GADL1: variants seen among roughly 807,000 people sequenced by gnomAD.
GADL1 encodes acidic amino acid decarboxylase GADL1.
Under a neutral mutation model 69.5 loss-of-function variants are expected in GADL1, and 71 were observed. The ratio of observed to expected loss-of-function variants is 1.02; its 90% CI spans 0.84 to 1.25. The LOEUF is 1.25. Ranked by LOEUF, GADL1 falls within the 50% of genes most tolerant of loss-of-function variation. GADL1 has a pLI of 0.00. For missense variants in GADL1, 737 were observed against 631.8 expected (o/e 1.17, Z -1.79); for synonymous variants, 254 against 214.4 (o/e 1.18, Z -1.62).
intron 14 of GADL1, among the ~76,000 whole-genome samples, chr3:30,777,567 G>A (rs1559496899): frequency 6.6e-6 from 1 of 152,312 alleles, no homozygotes; most frequent in East Asian, 1.9e-4. Flanking sequence ...TAACTGGCAG[G>A]GCCATGCTAG....
rs1327932596 is a variant in GADL1 at position 30,800,884 on chromosome 3, A to G, written c.1250+5T>C. On this transcript the variant is annotated splice_donor_5th_base_variant and intron_variant, in intron 12 of 14. Coordinates refer to ENST00000282538, the MANE Select transcript of GADL1 (RefSeq NM_207359.3). ...AGAGAGAGAGAGAGAGAGAGAGGCTAGTACCTAGATAAAGCAAGAGCACGA... is the reference window on the plus strand; with the variant it reads ...AGAGAGAGAGAGAGAGAGAGAGGCTGGTACCTAGATAAAGCAAGAGCACGA... The G allele has an allele frequency of 3.2e-6, 5 of 1,583,538 alleles. No individual in the cohort carries two copies. The highest frequency in any genetic ancestry group is 1.8e-4 in the Middle Eastern group (1 of 5,690).
intron 14 of GADL1, among the ~76,000 whole-genome samples, chr3:30,760,193 G>C (rs1370798594): frequency 6.6e-6 from 1 of 152,130 alleles, no homozygotes; most frequent in Non-Finnish European, 1.5e-5. Flanking sequence ...ATGCTTCCCT[G>C]TAGGACACTT....
chr3:30,761,675 A>T (rs1696137832), intron 14 of GADL1, among the ~76,000 whole-genome samples: 1 of 150,142 alleles, frequency 6.7e-6, no homozygotes, highest in African/African-American at 2.5e-5. Context: ...TTAAAAAAGG[A>T]ATGAGATTTT....
In GADL1 at chr3:30,844,436, A is replaced by G. The variant is rs1339797803; in HGVS notation, c.682T>C (p.Phe228Leu). The G allele has an allele frequency of 1.2e-6, 2 of 1,613,264 alleles. No individual in the cohort carries two copies. Among genetic ancestry groups the G allele is most frequent in the Admixed American group, 3.3e-5 (2 of 60,016 alleles). ...ACATTCTCAGTGCCAATCCCAAGAA[A>G]AGAGGCTGCCTTCTTCATAGAGTAA... ...CHYSMKKAAS[F>L]LGIGTENVCF... Residue 228 changes from phenylalanine to leucine, a missense_variant, in exon 7 of 15, where the codon TTT becomes CTT. Transcript: ENST00000282538.
chr3:30,741,153 GGTTT>G (rs1489314377), intron 14 of GADL1, among the ~76,000 whole-genome samples: 1 of 137,752 alleles, frequency 7.3e-6, no homozygotes, highest in Non-Finnish European at 1.5e-5. Context: ...TGAGATAGGT[GGTTT>G]GTTTGTATAA....
intron 4 of GADL1, among the ~76,000 whole-genome samples, chr3:30,853,111 A>G (rs1698175031): frequency 6.6e-6 from 1 of 151,928 alleles, no homozygotes; most frequent in Admixed American, 6.6e-5. Flanking sequence ...TATTCTCGCC[A>G]TTGTAAGCTG....
At chr3:30,828,777 A>G (rs1697735468) in intron 11 of GADL1, among the ~76,000 whole-genome samples, 1 of 151,990 alleles carries the variant, frequency 6.6e-6, no homozygotes, top group South Asian at 2.1e-4. Flanking sequence ...ATGCATGTAC[A>G]CACATATGCA....
intron 1 of GADL1, among the ~76,000 whole-genome samples, chr3:30,887,803 T>G (rs2125547244): frequency 6.6e-6 from 1 of 152,278 alleles, no homozygotes; most frequent in Middle Eastern, 3.4e-3. Context: ...AAAAGACATA[T>G]CATAGTTTCT....
chr3:30,885,305 TA>T (rs1238733534), intron 1 of GADL1, among the ~76,000 whole-genome samples: 3 of 152,114 alleles, frequency 2.0e-5, no homozygotes, highest in Non-Finnish European at 4.4e-5. Context: ...TTAAAATAAG[TA>T]TCCAGCAACA....
rs202079162 is a variant in GADL1, at chr3:30,814,967, T to TA, written c.1051-13880dup. ...TGACAGAGCCAGACTCTGTCTCATT[T>TA]AAAAAAAAAAAAAAATTTTTTTCAT... On this transcript the variant is annotated intron_variant, in intron 11 of 14. Coordinates refer to ENST00000282538, the MANE Select transcript of GADL1 (RefSeq NM_207359.3). Among the ~76,000 whole-genome samples, 238 of 131,830 alleles carry TA rather than the reference T, an allele frequency of 1.8e-3. 7 individuals are homozygous for TA. In the East Asian group the frequency reaches 0.035, roughly 19 times the overall value. 86.5% of individuals were successfully genotyped at this position (131,830 alleles called of 152,430 possible). A position where few individuals can be genotyped will look rare whatever the true frequency, so the allele number is the denominator to read the frequency against.
At chr3:30,868,248 A>T (rs1024228284) in intron 1 of GADL1, among the ~76,000 whole-genome samples, 5 of 152,004 alleles carry the variant, frequency 3.3e-5, no homozygotes, top group Non-Finnish European at 7.4e-5. Flanking sequence ...AACTGCTCTC[A>T]GTTTTTTCAG....
chr3:30,742,402 A>C (rs1341406077), intron 14 of GADL1, among the ~76,000 whole-genome samples: 1 of 151,920 alleles, frequency 6.6e-6, no homozygotes, highest in Non-Finnish European at 1.5e-5. Context: ...ATTCTGACTA[A>C]AAAGCTACCT....
chr3:30,815,374 T>C (rs1459905410), intron 11 of GADL1, among the ~76,000 whole-genome samples: 1 of 152,192 alleles, frequency 6.6e-6, no homozygotes, highest in Non-Finnish European at 1.5e-5. Flanking sequence ...TTTACGATTC[T>C]CTGGCACAAT....
chr3:30,871,184 G>C (rs1023904043), intron 1 of GADL1, among the ~76,000 whole-genome samples: 6 of 151,474 alleles, frequency 4.0e-5, no homozygotes, highest in Non-Finnish European at 7.4e-5. Context: ...AGGGACTTCA[G>C]TAGAAACTGA....
At chr3:30,835,860 G>T (rs1697864278) in intron 9 of GADL1, among the ~76,000 whole-genome samples, 2 of 151,958 alleles carry the variant, frequency 1.3e-5, no homozygotes, top group African/African-American at 4.8e-5. Flanking sequence ...CCTTCCTGCT[G>T]CATTTCCTCC....
Position 30,857,097 on chromosome 3 carries a change from A to G in GADL1, c.255T>C (p.Asp85=), listed in dbSNP as rs1470503351. 6.5e-7 allele frequency: 1 copy of G among 1,550,166 alleles called. No individual in the cohort carries two copies. The highest frequency in any genetic ancestry group is 2.4e-5 in the East Asian group (1 of 40,866). The change falls in exon 3 of 15, where the codon GAT becomes GAC. Residue 85 remains aspartate, a synonymous_variant. Coordinates refer to ENST00000282538, the MANE Select transcript of GADL1 (RefSeq NM_207359.3). The stretch of plus-strand genomic sequence containing the variant: ...GCTCGCCTGAGTCTCTCATCTCCAA[A>G]TCAAGAAGCTGTTTCAGTTGTTCAG... The part of the protein sequence containing the change: ...RPPEQLKQLL[D]LEMRDSGEPP...
chr3:30,804,211 A>G (rs1697213417), intron 11 of GADL1, among the ~76,000 whole-genome samples: 1 of 152,328 alleles, frequency 6.6e-6, no homozygotes, highest in South Asian at 2.1e-4. Flanking sequence ...ATCATCAGGA[A>G]TATGTCCTTT....
chr3:30,821,881 G>A (rs971782311), intron 11 of GADL1, among the ~76,000 whole-genome samples: 5 of 151,868 alleles, frequency 3.3e-5, no homozygotes, highest in Non-Finnish European at 5.9e-5. Context: ...GGAATATCAA[G>A]TTATCTTCTT....
At chr3:30,852,593 C>T (rs1307063497) in intron 4 of GADL1, among the ~76,000 whole-genome samples, 2 of 151,650 alleles carry the variant, frequency 1.3e-5, no homozygotes, top group Admixed American at 6.6e-5. Flanking sequence ...ATGAAAAAAG[C>T]ATATATTTAT....
Sources: allele counts gnomAD v4.1 joint callset (sites outside exome capture counted in the v4.1 genomes callset), GRCh38; gene constraint gnomAD v4.1.1; transcripts MANE v1.5; gene names NCBI Gene and HGNC (gene_info 2026-07-23, HGNC 2026-07-21).